The following SELENOF variants were observed in gnomAD, a reference collection of about 807,000 sequenced individuals.
SELENOF encodes 15 kDa selenoprotein.
In SELENOF, 16 loss-of-function variants were observed where a neutral mutation model predicts 20.5. The observed-to-expected ratio is 0.78, with a 90% CI of 0.53 to 1.19. SELENOF has a LOEUF of 1.19. Ranked by LOEUF, SELENOF falls within the 50% of genes most tolerant of loss-of-function variation. The pLI is 0.00. For missense variants in SELENOF, 215 were observed against 194.2 expected (o/e 1.11, Z -0.64); for synonymous variants, 78 against 74.5 (o/e 1.05, Z -0.24).
At chr1:86,910,775 T>C (rs1334166147) in intron 1 of SELENOF, among the ~76,000 whole-genome samples, 1 of 152,032 alleles carries the variant, frequency 6.6e-6, no homozygotes, top group Non-Finnish European at 1.5e-5. Flanking sequence ...ACCACAAATT[T>C]TTGAATCATA....
At chr1:86,894,066 A>G (rs956629755) in intron 2 of SELENOF, among the ~76,000 whole-genome samples, 3 of 152,204 alleles carry the variant, frequency 2.0e-5, no homozygotes, top group African/African-American at 4.8e-5. Flanking sequence ...TGCCAGAAAA[A>G]GTAATGGCAT....
intron 2 of SELENOF, among the ~76,000 whole-genome samples, chr1:86,889,621 C>G (rs907050178): frequency 6.6e-6 from 1 of 151,882 alleles, no homozygotes; most frequent in Non-Finnish European, 1.5e-5. Flanking sequence ...ACAACAACAA[C>G]AAAAAAACTA....
chr1:86,911,784 ATTTTTTT>A (rs34486690), intron 1 of SELENOF, among the ~76,000 whole-genome samples: 1 of 140,068 alleles, frequency 7.1e-6, no homozygotes, highest in South Asian at 2.3e-4. Context: ...TAAAATGACT[ATTTTTTT>A]TTTTTTTTTT....
intron 2 of SELENOF, 143 bp downstream of exon 2, chr1:86,903,138 G>C (rs1659743089): frequency 1.5e-6 from 1 of 660,592 alleles, no homozygotes; most frequent in Admixed American, 3.6e-5. Context: ...TGAACTAATA[G>C]GCCAGACAAG....
chr1:86,894,658 G>A (rs1279048527), intron 2 of SELENOF, among the ~76,000 whole-genome samples: 1 of 152,062 alleles, frequency 6.6e-6, no homozygotes, highest in Non-Finnish European at 1.5e-5. Context: ...GGGCAACATG[G>A]TGAGACCTTG....
chr1:86,905,536 G>A (rs187822040), intron 1 of SELENOF, among the ~76,000 whole-genome samples: 1 of 152,204 alleles, frequency 6.6e-6, no homozygotes, highest in African/African-American at 2.4e-5. Context: ...GTGCACAGTT[G>A]TAAAACAGTA....
intron 3 of SELENOF, among the ~76,000 whole-genome samples, chr1:86,873,560 A>T (rs1658842020): frequency 1.3e-5 from 2 of 152,160 alleles, no homozygotes; most frequent in Non-Finnish European, 2.9e-5. Context: ...ATATAATTTT[A>T]AAAAATTAGG....
chr1:86,886,137 C>T (rs778689961), intron 2 of SELENOF, among the ~76,000 whole-genome samples: 1 of 152,148 alleles, frequency 6.6e-6, no homozygotes, highest in Non-Finnish European at 1.5e-5. Context: ...TCAACCCTGA[C>T]AGTACACTAG....
chr1:86,904,333 G>T (rs1659777202), intron 1 of SELENOF, among the ~76,000 whole-genome samples: 1 of 152,060 alleles, frequency 6.6e-6, no homozygotes, highest in Non-Finnish European at 1.5e-5. Context: ...TAAATTAAGG[G>T]GCAATACTTC....
chr1:86,894,953 T>C (rs1028985206), intron 2 of SELENOF, among the ~76,000 whole-genome samples: 3 of 152,176 alleles, frequency 2.0e-5, no homozygotes, highest in African/African-American at 7.2e-5. Flanking sequence ...TTCCTCCAAA[T>C]GCAATCTTTC....
In SELENOF at chr1:86,903,354, T is replaced by C. The variant is rs11555171; in HGVS notation, c.179A>G (p.Gln60Arg). ...AGGATCCAGCTGAAGCAGGTTGAAC[T>C]GTCCGAGAAGATCACAAGAGCTGCA... ...LLCSSCDLLG[Q>R]FNLLQLDPDC... Residue 60 changes from glutamine (Q) to arginine (R), a missense_variant, in exon 2 of 5, where the codon CAG becomes CGG. Transcript: ENST00000331835. 2 of 1,612,580 alleles carry C rather than the reference T, an allele frequency of 1.2e-6. No homozygotes were observed. The highest frequency in any genetic ancestry group is 8.5e-7 in the Non-Finnish European group (1 of 1,179,234).
intron 3 of SELENOF, among the ~76,000 whole-genome samples, chr1:86,875,385 A>T (rs1658900095): frequency 6.6e-6 from 1 of 152,222 alleles, no homozygotes. Flanking sequence ...TGGAGGTACA[A>T]AATGAAGACA....
chr1:86,900,875 C>A (rs1448638093), intron 2 of SELENOF, among the ~76,000 whole-genome samples: 1 of 152,100 alleles, frequency 6.6e-6, no homozygotes, highest in Non-Finnish European at 1.5e-5. Context: ...TGATTCCACA[C>A]ACACAGAGCT....
chr1:86,896,963 T>C (rs372956195), intron 2 of SELENOF, among the ~76,000 whole-genome samples: 11 of 152,238 alleles, frequency 7.2e-5, no homozygotes, highest in African/African-American at 2.6e-4. Flanking sequence ...CAAGAACTTA[T>C]GAAATACTGT....
At chr1:86,879,680 G>A (rs528387981) in intron 3 of SELENOF, among the ~76,000 whole-genome samples, 1 of 152,146 alleles carries the variant, frequency 6.6e-6, no homozygotes, top group Non-Finnish European at 1.5e-5. Context: ...AAAAAAAAGA[G>A]AGAAAGCGTT....
At chr1:86,888,259 T>A (rs1659279431) in intron 2 of SELENOF, among the ~76,000 whole-genome samples, 1 of 145,148 alleles carries the variant, frequency 6.9e-6, no homozygotes, top group African/African-American at 2.6e-5. Flanking sequence ...TGAGACTCCA[T>A]CTCAAAAAAA....
At chr1:86,869,880 T>G (rs1165033777) in intron 3 of SELENOF, among the ~76,000 whole-genome samples, 1 of 151,986 alleles carries the variant, frequency 6.6e-6, no homozygotes, top group Admixed American at 6.6e-5. Flanking sequence ...GTTCAAGTGA[T>G]TCTCCTGCCT....
intron 3 of SELENOF, among the ~76,000 whole-genome samples, chr1:86,879,382 GT>G (rs1659003912): frequency 6.6e-6 from 1 of 152,110 alleles, no homozygotes; most frequent in Admixed American, 6.5e-5. Flanking sequence ...ATCAGAATGT[GT>G]TATTCTAACA....
At chr1:86,898,708 A>G (rs1023139826) in intron 2 of SELENOF, among the ~76,000 whole-genome samples, 1 of 151,248 alleles carries the variant, frequency 6.6e-6, no homozygotes, top group Non-Finnish European at 1.5e-5. Context: ...CAGCCTCCCA[A>G]GTAGCTGGGA....
Sources: allele counts gnomAD v4.1 joint callset (sites outside exome capture counted in the v4.1 genomes callset), GRCh38; gene constraint gnomAD v4.1.1; transcripts MANE v1.5; gene names NCBI Gene and HGNC (gene_info 2026-07-23, HGNC 2026-07-21).